The following SUGCT variants were observed in gnomAD, a reference collection of about 807,000 sequenced individuals.
SUGCT encodes succinyl-CoA:glutarate-CoA transferase, also known as succinyl-CoA:glutarate CoA-transferase.
Under a neutral mutation model 55.0 loss-of-function variants are expected in SUGCT, and 41 were observed. The ratio of observed to expected loss-of-function variants is 0.74; its 90% CI spans 0.58 to 0.97. The LOEUF (loss-of-function observed/expected upper bound fraction) is 0.97. SUGCT is among the 50% of genes least tolerant of loss of function. The pLI is 0.00. For missense variants in SUGCT, 568 were observed against 547.8 expected (o/e 1.04, Z -0.37); for synonymous variants, 187 against 200.4 (o/e 0.93, Z 0.56).
chr7:40,506,464 A>G (rs1792601531), intron 12 of SUGCT, among the ~76,000 whole-genome samples: 1 of 152,012 alleles, frequency 6.6e-6, no homozygotes, highest in Non-Finnish European at 1.5e-5. Flanking sequence ...TTGGTATGAT[A>G]TGTCTGGATG....
chr7:40,553,251 T>C (rs1478994543), intron 12 of SUGCT, among the ~76,000 whole-genome samples: 1 of 152,172 alleles, frequency 6.6e-6, no homozygotes, highest in Non-Finnish European at 1.5e-5. Flanking sequence ...ATTTGAGGTA[T>C]GGGTGCAAAT....
At chr7:40,740,217 G>A (rs1787389877) in intron 12 of SUGCT, among the ~76,000 whole-genome samples, 1 of 151,906 alleles carries the variant, frequency 6.6e-6, no homozygotes, top group Non-Finnish European at 1.5e-5. Context: ...TTTATTGTCG[G>A]TATACAAAAA....
intron 13 of SUGCT, among the ~76,000 whole-genome samples, chr7:40,828,466 G>A (rs1173869063): frequency 6.6e-6 from 1 of 151,802 alleles, no homozygotes; most frequent in African/African-American, 2.4e-5. Context: ...GGCATCTGGA[G>A]AGCTGGCATA....
At chr7:40,222,927 C>T (rs1428392160) in intron 6 of SUGCT, among the ~76,000 whole-genome samples, 3 of 151,828 alleles carry the variant, frequency 2.0e-5, no homozygotes, top group Non-Finnish European at 2.9e-5. Flanking sequence ...CATGCCTGGC[C>T]AGCACTTTCT....
chr7:40,444,674 G>C (rs1280002395), intron 9 of SUGCT, among the ~76,000 whole-genome samples: 1 of 152,150 alleles, frequency 6.6e-6, no homozygotes, highest in Non-Finnish European at 1.5e-5. Flanking sequence ...TGCAAACAGG[G>C]ACAATTTGAC....
intron 13 of SUGCT, among the ~76,000 whole-genome samples, chr7:40,792,231 G>C (rs1431357503): frequency 1.3e-5 from 2 of 152,126 alleles, no homozygotes; most frequent in Non-Finnish European, 2.9e-5. Context: ...CGTAGAACAG[G>C]AAGGAAGAGT....
intron 13 of SUGCT, among the ~76,000 whole-genome samples, chr7:40,760,417 A>G (rs1788473780): frequency 6.6e-6 from 1 of 152,124 alleles, no homozygotes; most frequent in South Asian, 2.1e-4. Context: ...AAAGTAGAAT[A>G]GTGATTGTCA....
At chr7:40,507,011 G>A (rs368813141) in intron 12 of SUGCT, among the ~76,000 whole-genome samples, 4 of 152,218 alleles carry the variant, frequency 2.6e-5, no homozygotes, top group African/African-American at 9.6e-5. Context: ...TATAACAGCT[G>A]ATTTGAAGTT....
chr7:40,881,696 G>C, the SUGCT span, among the ~76,000 whole-genome samples: 2 of 152,214 alleles, frequency 1.3e-5, no homozygotes, highest in Non-Finnish European at 2.9e-5. Flanking sequence ...AGGCACAGTG[G>C]CATCCTTCAC....
At chr7:40,890,263 T>C in the SUGCT span, among the ~76,000 whole-genome samples, 35 of 143,582 alleles carry the variant, frequency 2.4e-4, no homozygotes, top group Non-Finnish European at 4.1e-4. Context: ...ATATTTATAT[T>C]ATATAATATA....
chr7:40,190,798 C>T (rs929565108), intron 5 of SUGCT, among the ~76,000 whole-genome samples: 1 of 152,128 alleles, frequency 6.6e-6, no homozygotes, highest in African/African-American at 2.4e-5. Flanking sequence ...TCCACATATA[C>T]CAAAATCTGT....
chr7:40,487,639 TA>T (rs1228437671), intron 11 of SUGCT, among the ~76,000 whole-genome samples: 2 of 152,130 alleles, frequency 1.3e-5, no homozygotes, highest in Non-Finnish European at 2.9e-5. Flanking sequence ...GTATTGCCGT[TA>T]ATCTCTCCTT....
chr7:40,415,288 T>A (rs1482745174), intron 9 of SUGCT, among the ~76,000 whole-genome samples: 21 of 132,228 alleles, frequency 1.6e-4, no homozygotes, highest in African/African-American at 5.0e-4. Flanking sequence ...AAAAAAAAAA[T>A]TTGGCCACAT....
At chr7:40,624,130 A>T (rs1480157307) in intron 12 of SUGCT, among the ~76,000 whole-genome samples, 3 of 152,122 alleles carry the variant, frequency 2.0e-5, no homozygotes, top group Non-Finnish European at 2.9e-5. Context: ...TCCTGGAAGG[A>T]GAACGTTGCT....
In SUGCT at chr7:40,795,292, A is replaced by G. The variant is rs142182244; in HGVS notation, c.1153+45795A>G. Among the ~76,000 whole-genome samples the G allele has an allele frequency of 6.6e-5, 10 of 152,246 alleles. No homozygotes were observed. In the East Asian group the frequency reaches 1.9e-3, roughly 29 times the overall value. Reference sequence around the variant, plus strand: ...CCAAGACAAGAACCCAGTTCTCCTCACACTCCCTTTCTCTTTATTACCACA... The same window carrying G: ...CCAAGACAAGAACCCAGTTCTCCTCGCACTCCCTTTCTCTTTATTACCACA... On this transcript the variant is annotated intron_variant, in intron 13 of 13. Coordinates refer to ENST00000335693, the MANE Select transcript of SUGCT (RefSeq NM_001193313.2).
At chr7:40,619,182 A>G (rs931821009) in intron 12 of SUGCT, among the ~76,000 whole-genome samples, 2 of 152,336 alleles carry the variant, frequency 1.3e-5, no homozygotes, top group South Asian at 4.1e-4. Context: ...GTAAGAACCC[A>G]TTACATCAGA....
At chr7:40,719,326 T>C (rs534539944) in intron 12 of SUGCT, among the ~76,000 whole-genome samples, 2 of 152,366 alleles carry the variant, frequency 1.3e-5, no homozygotes, top group African/African-American at 4.8e-5. Context: ...TCTAATGTAT[T>C]GTGATTATTC....
At chr7:40,993,313 G>T in the SUGCT span, among the ~76,000 whole-genome samples, 2 of 152,100 alleles carry the variant, frequency 1.3e-5, no homozygotes, top group Admixed American at 6.6e-5. Flanking sequence ...CACTGTGTTT[G>T]CTCACTCTAT....
chr7:40,335,580 A>T (rs1484825545), intron 9 of SUGCT, among the ~76,000 whole-genome samples: 1 of 152,086 alleles, frequency 6.6e-6, no homozygotes, highest in African/African-American at 2.4e-5. Context: ...AATGCTTGTA[A>T]TTTTTGCACA....
Sources: allele counts gnomAD v4.1 joint callset (sites outside exome capture counted in the v4.1 genomes callset), GRCh38; gene constraint gnomAD v4.1.1; transcripts MANE v1.5; gene names NCBI Gene and HGNC (gene_info 2026-07-23, HGNC 2026-07-21).